The following GTSE1 variants were observed in gnomAD, a reference collection of about 807,000 sequenced individuals.
GTSE1 encodes G2 and S-phase expressed 1, also known as G2 and S phase-expressed protein 1.
Under a neutral mutation model 60.5 loss-of-function variants are expected in GTSE1, and 52 were observed. The ratio of observed to expected loss-of-function variants is 0.86; its 90% CI spans 0.69 to 1.08. GTSE1 has a LOEUF of 1.08. Ranked by LOEUF, GTSE1 falls within the 50% of genes least tolerant of loss-of-function variation. The probability of loss-of-function intolerance (pLI) is 0.00; values close to 1 mark genes in which losing one functional copy is unlikely to be tolerated. For missense variants in GTSE1, 937 were observed against 961.8 expected (o/e 0.97, Z 0.34); for synonymous variants, 368 against 386.5 (o/e 0.95, Z 0.56).
intron 2 of GTSE1, among the ~76,000 whole-genome samples, chr22:46,301,857 G>A (rs1004635379): frequency 3.9e-5 from 6 of 152,102 alleles, no homozygotes; most frequent in Admixed American, 6.5e-5. Context: ...GGCCAGGTGC[G>A]GTGGCTTGCG....
intron 4 of GTSE1, among the ~76,000 whole-genome samples, chr22:46,311,833 A>G (rs1255721840): frequency 1.3e-5 from 2 of 152,216 alleles, no homozygotes; most frequent in Non-Finnish European, 2.9e-5. Flanking sequence ...CTTTCTCATT[A>G]TCATTCTTAA....
At position 46,318,786 on chromosome 22, in the gene GTSE1, C is replaced by T. The variant is rs951131712; in HGVS notation, c.1432+2374C>T. 3.3e-5 allele frequency among the ~76,000 whole-genome samples: 5 copies of T among 152,240 alleles called. No individual in the cohort carries two copies. The highest frequency in any genetic ancestry group is 3.4e-3 in the Middle Eastern group (1 of 294). On this transcript the variant is annotated intron_variant, in intron 7 of 11. Transcript: ENST00000454366. This position sits in a 1 kb window ranked among gnomAD's most constrained non-coding sequence, Gnocchi z 4.8. ...TGCAGCCGCTGCGGTCGGGATTCTG[C>T]GTAGACGTGCGACAGCTGGTCAGTA... is the stretch of plus-strand genomic sequence containing the variant.
rs1480777022 is a variant in GTSE1 at position 46,310,624 on chromosome 22, T to C, written c.763-1517T>C. Among the ~76,000 whole-genome samples the C allele has an allele frequency of 1.3e-5, 2 of 152,214 alleles. No individual in the cohort carries two copies. The highest frequency in any genetic ancestry group is 2.9e-5 in the Non-Finnish European group (2 of 68,032). Reference sequence around the variant, plus strand: ...TGCAGTCTATCCAAACAATGGTTTATTTTTGGCAATAAAAAGAAACACTAC... The same window carrying C: ...TGCAGTCTATCCAAACAATGGTTTACTTTTGGCAATAAAAAGAAACACTAC... On this transcript the variant is annotated intron_variant, in intron 4 of 11. Coordinates refer to ENST00000454366, the MANE Select transcript of GTSE1 (RefSeq NM_016426.7). The surrounding 1 kb of genome is among the most constrained non-coding windows in gnomAD (Gnocchi z 4.4).
rs745761570 is a variant in GTSE1 at position 46,308,635 on chromosome 22, A to G, written c.454A>G (p.Lys152Glu). The G allele has an allele frequency of 6.2e-7, 1 of 1,614,040 alleles. No individual in the cohort carries two copies. Among genetic ancestry groups the G allele is most frequent in the Non-Finnish European group, 8.5e-7 (1 of 1,180,006 alleles). Residue 152 changes from lysine (K) to glutamate (E), a missense_variant, in exon 4 of 12, where the codon AAG (lysine) becomes GAG (glutamate). By Grantham distance (56) the Lys-to-Glu change is moderately conservative (BLOSUM62 1). Coordinates refer to ENST00000454366, the MANE Select transcript of GTSE1 (RefSeq NM_016426.7). ...KLKINLFEKE[K>E]EMKKSPTSLK... The stretch of plus-strand genomic sequence containing the variant: ...AAAAATAAACCTCTTTGAGAAAGAA[A>G]AGGAAATGAAGAAAAGCCCCACGTC...
chr22:46,302,185 ATC>A (rs1206499492), intron 2 of GTSE1, among the ~76,000 whole-genome samples: 21 of 152,290 alleles, frequency 1.4e-4, no homozygotes, highest in African/African-American at 5.1e-4. Flanking sequence ...TGTGAACTTT[ATC>A]TGTTTGTATC....
chr22:46,314,733 G>A lies in GTSE1; in HGVS notation c.1051+720G>A, dbSNP rs1043257857. Among the ~76,000 whole-genome samples the A allele has an allele frequency of 3.0e-4, 45 of 151,938 alleles. No individual in the cohort carries two copies. Among genetic ancestry groups the A allele is most frequent in the South Asian group, 8.3e-4 (4 of 4,804 alleles). The stretch of plus-strand genomic sequence containing the variant: ...TCTACTAAAAACACAAAAACTAGCC[G>A]GGCATGGTGGCGGGTGCCTGTAGTC... On this transcript the variant is annotated intron_variant, in intron 6 of 11. Transcript: ENST00000454366. This position sits in a 1 kb window ranked among gnomAD's most constrained non-coding sequence, Gnocchi z 7.1.
Position 46,313,922 on chromosome 22 carries a change from C to T in GTSE1, c.960C>T (p.Pro320=), listed in dbSNP as rs777519658. 19 of 1,613,974 alleles carry T rather than the reference C, an allele frequency of 1.2e-5. No homozygotes were observed. Among genetic ancestry groups the T allele is most frequent in the Admixed American group, 8.3e-5 (5 of 60,006 alleles). The change falls in exon 6 of 12, where the codon CCC becomes CCT. Residue 320 remains proline (P), a synonymous_variant. Transcript: ENST00000454366. The surrounding 1 kb of genome is among the most constrained non-coding windows in gnomAD (Gnocchi z 4.4). The stretch of plus-strand genomic sequence containing the variant: ...TGAAGAAGACCCTGTTAAAAGCACC[C>T]GGCTCTACCAGCAATCTCGCAAGGA... ...LGLKKTLLKA[P]GSTSNLARKS...
intron 8 of GTSE1, among the ~76,000 whole-genome samples, chr22:46,323,861 T>C (rs1417717443): frequency 6.6e-6 from 1 of 151,284 alleles, no homozygotes; most frequent in Non-Finnish European, 1.5e-5. Context: ...CTAATTATTT[T>C]TGTATTTTTT....
chr22:46,323,239 G>T lies in GTSE1; in HGVS notation c.1482G>T (p.Pro494=). 2 of 1,613,632 alleles carry T rather than the reference G, an allele frequency of 1.2e-6. No homozygotes were observed. The highest frequency in any genetic ancestry group is 1.7e-6 in the Non-Finnish European group (2 of 1,179,530). ...CAAAGCTTTCGCGGGCACAGCGGCC[G>T]CAGTCGTGCACGTCAGTTGGCAGGT... is the stretch of plus-strand genomic sequence containing the variant. ...STPKLSRAQR[P]QSCTSVGRVT... Residue 494 remains proline (P), a synonymous_variant, in exon 8 of 12, where the codon CCG becomes CCT. Transcript: ENST00000454366.
rs9615947 is a variant in GTSE1, at chr22:46,316,180, C to T, written c.1200C>T (p.Val400=). 147,777 of 1,613,244 alleles carry T rather than the reference C, an allele frequency of 0.092. 7,535 individuals are homozygous for T. The highest frequency in any genetic ancestry group is 0.11 in the Non-Finnish European group (123,889 of 1,179,620). Residue 400 remains valine (V), a synonymous_variant, in exon 7 of 12, where the codon GTC becomes GTT. Coordinates refer to ENST00000454366, the MANE Select transcript of GTSE1 (RefSeq NM_016426.7). This position sits in a 1 kb window ranked among gnomAD's most constrained non-coding sequence, Gnocchi z 5.0. The part of the protein sequence containing the change: ...VGASSWQAKR[V]DVSELAAEQL... ...CATCCTCCTGGCAGGCCAAGCGGGT[C>T]GATGTTTCTGAGCTGGCAGCGGAGC...
At position 46,321,012 on chromosome 22, in the gene GTSE1, C is replaced by T. The variant is rs1014134481; in HGVS notation, c.1433-2178C>T. 1.3e-5 allele frequency among the ~76,000 whole-genome samples: 2 copies of T among 151,572 alleles called. No homozygotes were observed. The highest frequency in any genetic ancestry group is 2.9e-5 in the Non-Finnish European group (2 of 67,900). On this transcript the variant is annotated intron_variant, in intron 7 of 11. Coordinates refer to ENST00000454366, the MANE Select transcript of GTSE1 (RefSeq NM_016426.7). This position sits in a 1 kb window ranked among gnomAD's most constrained non-coding sequence, Gnocchi z 4.0. ...GGTCTCGGGAGAGAGGGAGCCAACA[C>T]GGGAGGCGGCAAGGGAGAGGGAGGC...
rs543300267 is a variant in GTSE1, at chr22:46,326,345, G to A, written c.1506-91G>A. 1.9e-5 allele frequency: 20 copies of A among 1,069,004 alleles called. No individual in the cohort carries two copies. In the African/African-American group the frequency reaches 2.7e-4, roughly 14 times the overall value. 66.2% of individuals were successfully genotyped at this position (1,069,004 alleles called of 1,614,324 possible). A position where few individuals can be genotyped will look rare whatever the true frequency, so the allele number is the denominator to read the frequency against. On this transcript the variant is annotated intron_variant, in intron 8 of 11. Transcript: ENST00000454366. ...TTGGCTCTTCTGGGCTGAAACCAAA[G>A]CCCTCAGCACTGCATTAGCACAGGC... is the stretch of plus-strand genomic sequence containing the variant.
At position 46,329,442 on chromosome 22, in the gene GTSE1, G is replaced by T. The variant is rs762000503; in HGVS notation, c.2011G>T (p.Asp671Tyr). ...SQPLIDLPLI[D>Y]FCDTPEAHVA... is the part of the protein sequence containing the mutation. The stretch of plus-strand genomic sequence containing the variant: ...GCCCCTCATTGACCTTCCTCTCATC[G>T]ACTTCTGCGATACCCCAGAAGCACA... The change falls in exon 11 of 12, where the codon GAC becomes TAC. Residue 671 changes from aspartate (D) to tyrosine (Y), a missense_variant. Asp to Tyr is a radical substitution (Grantham distance 160). Transcript: ENST00000454366. This position sits in a 1 kb window ranked among gnomAD's most constrained non-coding sequence, Gnocchi z 6.4. 8.1e-5 allele frequency: 131 copies of T among 1,613,928 alleles called. No homozygotes were observed. Among genetic ancestry groups the T allele is most frequent in the Non-Finnish European group, 1.1e-4 (126 of 1,179,974 alleles).
At chr22:46,323,112 C>T in intron 7 of GTSE1, 78 bp from the exon 8 acceptor site, 1 of 918,986 alleles carries the variant, frequency 1.1e-6, no homozygotes, top group Admixed American at 1.7e-5. Flanking sequence ...GAGAATTGCC[C>T]ATTCGGTGAC....
intron 2 of GTSE1, among the ~76,000 whole-genome samples, chr22:46,298,499 G>A (rs1458197118): frequency 1.3e-5 from 2 of 151,872 alleles, no homozygotes; most frequent in Non-Finnish European, 2.9e-5. Flanking sequence ...GTAGAGATGG[G>A]GTTTTACCAT....
chr22:46,316,945 TTTC>T lies in GTSE1; in HGVS notation c.1432+536_1432+538del, dbSNP rs767296411. Among the ~76,000 whole-genome samples, 32 of 152,134 alleles carry T rather than the reference TTTC, an allele frequency of 2.1e-4. 1 individual carries two copies. The East Asian group carries it at 6.2e-3, about 29-fold the overall frequency. ...TTTTTCTTTTTCTTATCTTTTTTCTTTTCTTTCTTTCTTTTTTTTTGTTTTTTG... is the reference window on the plus strand; with the variant it reads ...TTTTTCTTTTTCTTATCTTTTTTCTTTTTCTTTCTTTTTTTTTGTTTTTTG... On this transcript the variant is annotated intron_variant, in intron 7 of 11. Transcript: ENST00000454366. The surrounding 1 kb of genome is among the most constrained non-coding windows in gnomAD (Gnocchi z 5.0).
chr22:46,317,595 G>A lies in GTSE1; in HGVS notation c.1432+1183G>A, dbSNP rs1331398503. Among the ~76,000 whole-genome samples, 1 of 152,204 alleles carries A rather than the reference G, an allele frequency of 6.6e-6. No individual in the cohort carries two copies. Among genetic ancestry groups the A allele is most frequent in the Non-Finnish European group, 1.5e-5 (1 of 68,038 alleles). ...TCTTGGTTGTTGGATATTGTCAGGTGTACACTTTTGAATGTCTGGATTTTG... is the reference window on the plus strand; with the variant it reads ...TCTTGGTTGTTGGATATTGTCAGGTATACACTTTTGAATGTCTGGATTTTG... On this transcript the variant is annotated intron_variant, in intron 7 of 11. Coordinates refer to ENST00000454366, the MANE Select transcript of GTSE1 (RefSeq NM_016426.7). The surrounding 1 kb of genome is among the most constrained non-coding windows in gnomAD (Gnocchi z 5.6).
chr22:46,306,968 G>C (rs1250887564), intron 2 of GTSE1, among the ~76,000 whole-genome samples: 1 of 152,224 alleles, frequency 6.6e-6, no homozygotes, highest in East Asian at 1.9e-4. Context: ...TTATAGTCTA[G>C]TTGGGGCCAT....
chr22:46,328,866 GGTGGAGATGCAGCCCCTA>G lies in GTSE1; in HGVS notation c.1907_1924del (p.Gly636_Ser641del), dbSNP rs781706246. 3 of 1,613,712 alleles carry G rather than the reference GGTGGAGATGCAGCCCCTA, an allele frequency of 1.9e-6. No homozygotes were observed. The Admixed American group carries it at 5.0e-5, about 27-fold the overall frequency. ...AGTAGCTCGGGAGGAAGCCAAGCCG[GGTGGAGATGCAGCCCCTA>G]GTGAGGTGGGCAGAACGGGCGCAGC... On this transcript the variant is annotated inframe_deletion, in exon 10 of 12. Coordinates refer to ENST00000454366, the MANE Select transcript of GTSE1 (RefSeq NM_016426.7).
Sources: allele counts gnomAD v4.1 joint callset (sites outside exome capture counted in the v4.1 genomes callset), GRCh38; gene constraint gnomAD v4.1.1; non-coding constraint Gnocchi (gnomAD v3.1); transcripts MANE v1.5; gene names NCBI Gene and HGNC (gene_info 2026-07-23, HGNC 2026-07-21).